The following FMO4 variants were observed in gnomAD, a reference collection of about 807,000 sequenced individuals.
FMO4 encodes the protein dimethylaniline monooxygenase [N-oxide-forming] 4.
FMO4 carries 38 observed loss-of-function variants against 43.3 expected under a neutral mutation model. The observed-to-expected ratio is 0.88, with a 90% CI of 0.68 to 1.15. The LOEUF is 1.15. Among genes scored for constraint, FMO4 ranks in the 50% most tolerant of loss-of-function variants. The pLI, the probability that FMO4 is intolerant of heterozygous loss-of-function variation, is 0.00. For synonymous variants in FMO4, 224 were observed against 232.2 expected, an observed-to-expected ratio of 0.96 and a Z score of 0.32; for missense variants, 631 against 663.3, an observed-to-expected ratio of 0.95 and a Z score of 0.54.
intron 2 of FMO4, among the ~76,000 whole-genome samples, chr1:171,318,927 G>A (rs1571388020): frequency 6.6e-6 from 1 of 152,362 alleles, no homozygotes; most frequent in East Asian, 1.9e-4. Context: ...CAGACAGGCA[G>A]GTGCAGGAGC....
At chr1:171,335,411 G>A (rs915204784) in intron 8 of FMO4, among the ~76,000 whole-genome samples, 28 of 152,158 alleles carry the variant, frequency 1.8e-4, no homozygotes, top group Admixed American at 8.5e-4. Context: ...TAACTAACGC[G>A]TATTAAGTGA....
At chr1:171,328,229 G>A (rs1662746208) in intron 5 of FMO4, among the ~76,000 whole-genome samples, 1 of 151,972 alleles carries the variant, frequency 6.6e-6, no homozygotes, top group Non-Finnish European at 1.5e-5. Flanking sequence ...TTTTAATAGA[G>A]ATGAGGTTTC....
intron 8 of FMO4, among the ~76,000 whole-genome samples, chr1:171,336,699 G>T (rs982981939): frequency 1.3e-5 from 2 of 152,138 alleles, no homozygotes; most frequent in Non-Finnish European, 2.9e-5. Flanking sequence ...CATCTCCTGG[G>T]CTCAAGGGAT....
At chr1:171,340,960 A>C (rs1663349857) in intron 9 of FMO4, among the ~76,000 whole-genome samples, 1 of 152,172 alleles carries the variant, frequency 6.6e-6, no homozygotes, top group African/African-American at 2.4e-5. Context: ...AAAATGGAAA[A>C]AAACATAAAA....
intron 3 of FMO4, among the ~76,000 whole-genome samples, chr1:171,322,277 A>T (rs1285925864): frequency 6.6e-6 from 1 of 152,228 alleles, no homozygotes; most frequent in Non-Finnish European, 1.5e-5. Context: ...GAGAAAAATT[A>T]GTAAGGTATT....
In FMO4 at chr1:171,334,486, C is replaced by A. The variant is rs756978964; in HGVS notation, c.903C>A (p.Ser301Arg). 16 of 1,613,234 alleles carry A rather than the reference C, an allele frequency of 9.9e-6. No homozygotes were observed. Among genetic ancestry groups the A allele is most frequent in the Non-Finnish European group, 1.4e-5 (16 of 1,179,588 alleles). ...GTGGGGCAATCACTATGAAAACCAG[C>A]GTGATTGAATTTACAGAAACCTCTG... ...ILCGAITMKT[S>R]VIEFTETSAV... Residue 301 changes from serine (S) to arginine (R), a missense_variant, in exon 8 of 10, where the codon AGC (serine) becomes AGA (arginine). By Grantham distance (110) the Ser-to-Arg change is moderately radical (BLOSUM62 -1). Coordinates refer to ENST00000367749, the MANE Select transcript of FMO4 (RefSeq NM_002022.3).
chr1:171,332,913 TTAC>T lies in FMO4; in HGVS notation c.827+6_827+8del. On this transcript the variant is annotated splice_donor_region_variant and intron_variant, in intron 7 of 9. Coordinates refer to ENST00000367749, the MANE Select transcript of FMO4 (RefSeq NM_002022.3). ...TGGATTAAGTATTACCAAAGGGTAC[TTAC>T]ATTTTTTATTTAGTAGAAAAAATAT... The T allele has an allele frequency of 8.7e-7, 1 of 1,144,844 alleles. No individual in the cohort carries two copies. The highest frequency in any genetic ancestry group is 1.3e-6 in the Non-Finnish European group (1 of 760,654). 70.9% of individuals were successfully genotyped at this position (1,144,844 alleles called of 1,614,324 possible). A position where few individuals can be genotyped will look rare whatever the true frequency, so the allele number is the denominator to read the frequency against.
At chr1:171,315,896 T>A (rs1662177895) in intron 1 of FMO4, among the ~76,000 whole-genome samples, 1 of 152,192 alleles carries the variant, frequency 6.6e-6, no homozygotes, top group African/African-American at 2.4e-5. Flanking sequence ...CATTCATGCC[T>A]AGAGCATGCT....
chr1:171,316,608 G>A (rs1662211810), intron 2 of FMO4, among the ~76,000 whole-genome samples: 1 of 152,166 alleles, frequency 6.6e-6, no homozygotes, highest in African/African-American at 2.4e-5. Flanking sequence ...AGCAGAGAAA[G>A]TTCAAACCCA....
In FMO4 at chr1:171,338,067, T is replaced by C. The variant is rs182961076; in HGVS notation, c.1250+642T>C. ...CCTGTAAATGGGCTGATCTGAAACT[T>C]TTCCCCATCTCAGTTCATAGCTACT... On this transcript the variant is annotated intron_variant, in intron 9 of 9. Coordinates refer to ENST00000367749, the MANE Select transcript of FMO4 (RefSeq NM_002022.3). Among the ~76,000 whole-genome samples the C allele has an allele frequency of 6.0e-4, 91 of 152,180 alleles. No individual in the cohort carries two copies. The East Asian group carries it at 0.018, about 29-fold the overall frequency.
At chr1:171,321,231 A>G (rs1366436666) in intron 3 of FMO4, among the ~76,000 whole-genome samples, 3 of 151,992 alleles carry the variant, frequency 2.0e-5, no homozygotes, top group Non-Finnish European at 2.9e-5. Flanking sequence ...ACAAATAGGG[A>G]AAAAAAAGAA....
At chr1:171,332,684 C>T (rs1433316222) in intron 6 of FMO4, 25 bp from the exon 7 acceptor site, 5 of 1,580,344 alleles carry the variant, frequency 3.2e-6, no homozygotes, top group African/African-American at 1.4e-5. Context: ...TTTATTTATC[C>T]TTCTTGCCTT....
At chr1:171,324,357 C>T (rs1662574347) in intron 5 of FMO4, 57 bp downstream of exon 5, 4 of 1,389,638 alleles carry the variant, frequency 2.9e-6, no homozygotes, top group Non-Finnish European at 3.9e-6. Context: ...TAGAAGTAAA[C>T]TTATTGATTT....
rs765415005 is a variant in FMO4, at chr1:171,341,630, T to A, written c.1468T>A (p.Trp490Arg). ...DGARNAILTQ[W>R]DRTLKPLKTR... Reference sequence around the variant, plus strand: ...AGCCAGAAATGCCATCCTGACCCAGTGGGACAGAACATTGAAACCTTTAAA... The same window carrying A: ...AGCCAGAAATGCCATCCTGACCCAGAGGGACAGAACATTGAAACCTTTAAA... The change falls in exon 10 of 10, where the codon TGG (tryptophan) becomes AGG (arginine). Residue 490 changes from tryptophan to arginine, a missense_variant. Coordinates refer to ENST00000367749, the MANE Select transcript of FMO4 (RefSeq NM_002022.3). The A allele has an allele frequency of 1.1e-5, 18 of 1,613,852 alleles. No individual in the cohort carries two copies. The East Asian group carries it at 2.2e-4, about 20-fold the overall frequency.
Position 171,332,698 on chromosome 1 carries a change from T to C in FMO4, c.628-11T>C, listed in dbSNP as rs1326401214. The C allele has an allele frequency of 6.2e-7, 1 of 1,601,164 alleles. No homozygotes were observed. Among genetic ancestry groups the C allele is most frequent in the Non-Finnish European group, 8.5e-7 (1 of 1,170,532 alleles). On this transcript the variant is annotated splice_polypyrimidine_tract_variant and intron_variant, in intron 6 of 9. Transcript: ENST00000367749. ...ATTTATTTATCCTTCTTGCCTTACT[T>C]TACTTTTTAGGTACTTCTCAGTACT...
intron 6 of FMO4, among the ~76,000 whole-genome samples, 194 bp downstream of exon 6, chr1:171,331,976 T>C (rs950272630): frequency 5.9e-5 from 9 of 152,170 alleles, no homozygotes; most frequent in African/African-American, 2.2e-4. Flanking sequence ...AGCCATGCTT[T>C]ACAGAACTGA....
intron 5 of FMO4, among the ~76,000 whole-genome samples, chr1:171,328,298 C>G (rs1235427009): frequency 6.6e-6 from 1 of 152,142 alleles, no homozygotes; most frequent in Non-Finnish European, 1.5e-5. Flanking sequence ...CCACCTTGGC[C>G]TCCTAAAGTG....
intron 5 of FMO4, among the ~76,000 whole-genome samples, chr1:171,328,381 T>G (rs1460398650): frequency 6.6e-6 from 1 of 151,594 alleles, no homozygotes; most frequent in Non-Finnish European, 1.5e-5. Context: ...TCGGGCGCGG[T>G]GGCTCACACC....
intron 5 of FMO4, among the ~76,000 whole-genome samples, chr1:171,326,092 C>T (rs548491081): frequency 3.0e-4 from 46 of 151,956 alleles, no homozygotes; most frequent in Middle Eastern, 3.4e-3. Context: ...AAGGGATCCA[C>T]CTGCTTTGGC....
Sources: allele counts gnomAD v4.1 joint callset (sites outside exome capture counted in the v4.1 genomes callset), GRCh38; gene constraint gnomAD v4.1.1; transcripts MANE v1.5; gene names NCBI Gene and HGNC (gene_info 2026-07-23, HGNC 2026-07-21).